The following PPP3CA variants were observed in gnomAD, a reference collection of about 807,000 sequenced individuals.
The protein encoded by PPP3CA is CAM-PRP catalytic subunit.
A neutral mutation model predicts 66.5 loss-of-function variants in PPP3CA; 14 were observed. The observed-to-expected ratio is 0.21, with a 90% CI of 0.14 to 0.33. The LOEUF (loss-of-function observed/expected upper bound fraction) is 0.33. Ranked by LOEUF, PPP3CA falls within the 10% of genes least tolerant of loss-of-function variation. The probability of loss-of-function intolerance (pLI) is 1.00; values close to 1 mark genes in which losing one functional copy is unlikely to be tolerated. For synonymous variants in PPP3CA, 232 were observed against 226.2 expected, an observed-to-expected ratio of 1.03 and a Z score of -0.23; for missense variants, 317 against 639.5, an observed-to-expected ratio of 0.50 and a Z score of 5.44.
chr4:101,051,314 A>G (rs962303833), intron 10 of PPP3CA, among the ~76,000 whole-genome samples: 5 of 152,120 alleles, frequency 3.3e-5, no homozygotes, highest in Non-Finnish European at 7.4e-5. Flanking sequence ...TACACCTGCC[A>G]TAAGAGATAA....
chr4:101,312,276 G>A (rs2110311949), intron 1 of PPP3CA, among the ~76,000 whole-genome samples: 1 of 152,120 alleles, frequency 6.6e-6, no homozygotes, highest in Non-Finnish European at 1.5e-5. Context: ...AAGTACAGAT[G>A]TTCCTCTACT....
intron 2 of PPP3CA, among the ~76,000 whole-genome samples, chr4:101,109,944 A>G (rs760017057): frequency 1.3e-5 from 2 of 152,204 alleles, no homozygotes; most frequent in Non-Finnish European, 1.5e-5. Flanking sequence ...ATGAAATAAT[A>G]TAGCTTAGAG....
intron 2 of PPP3CA, among the ~76,000 whole-genome samples, chr4:101,119,417 T>A (rs1409674408): frequency 1.3e-5 from 2 of 152,030 alleles, no homozygotes; most frequent in Non-Finnish European, 2.9e-5. Flanking sequence ...GTTCCACAGC[T>A]ATGTAATGGT....
intron 12 of PPP3CA, among the ~76,000 whole-genome samples, chr4:101,030,331 C>T (rs916439447): frequency 2.0e-5 from 3 of 152,020 alleles, no homozygotes; most frequent in African/African-American, 4.8e-5. Flanking sequence ...ACGGTGGATT[C>T]GAGATTCCTT....
rs749768853 is a variant in PPP3CA, at chr4:101,334,804, T to C, written c.58+11935A>G. Among the ~76,000 whole-genome samples, 21 of 152,084 alleles carry C rather than the reference T, an allele frequency of 1.4e-4. 1 individual carries two copies. Among genetic ancestry groups the C allele is most frequent in the Non-Finnish European group, 2.9e-5 (2 of 68,018 alleles). On this transcript the variant is annotated intron_variant, in intron 1 of 13. Transcript: ENST00000394854. Reference sequence around the variant, plus strand: ...CAGTCTCCCATGACAGGTCTCGGCCTTTCTTCCCCCCAGAGATATACATGA... The same window carrying C: ...CAGTCTCCCATGACAGGTCTCGGCCCTTCTTCCCCCCAGAGATATACATGA...
chr4:101,297,107 A>G (rs1425303285), intron 1 of PPP3CA, among the ~76,000 whole-genome samples: 2 of 152,232 alleles, frequency 1.3e-5, no homozygotes, highest in African/African-American at 2.4e-5. Context: ...ATGATAAAAC[A>G]GGAAATATTT....
chr4:101,132,336 A>G (rs1168512409), intron 2 of PPP3CA, among the ~76,000 whole-genome samples: 1 of 152,196 alleles, frequency 6.6e-6, no homozygotes, highest in African/African-American at 2.4e-5. Context: ...GAAAAGATTA[A>G]GAAAATAGAC....
At chr4:101,250,265 G>C (rs73833281) in intron 1 of PPP3CA, 10,939 of 440,394 alleles carry the variant, frequency 0.025, 998 homozygotes, top group African/African-American at 0.2. Context: ...AGAATGCCTA[G>C]GATTTACAGT....
chr4:101,032,571 G>C (rs1263381524), intron 11 of PPP3CA, among the ~76,000 whole-genome samples: 1 of 151,888 alleles, frequency 6.6e-6, no homozygotes, highest in African/African-American at 2.4e-5. Context: ...CTACCATAAA[G>C]TTTACATTAT....
chr4:101,149,306 A>G (rs1723061499), intron 2 of PPP3CA, among the ~76,000 whole-genome samples: 1 of 152,174 alleles, frequency 6.6e-6, no homozygotes, highest in African/African-American at 2.4e-5. Context: ...AATTCTCCTA[A>G]GTGTTAGAAA....
At chr4:101,273,135 T>C (rs542494053) in intron 1 of PPP3CA, among the ~76,000 whole-genome samples, 1 of 24,492 alleles carries the variant, frequency 4.1e-5, no homozygotes, top group East Asian at 6.3e-4. Flanking sequence ...GTAAGTAGGA[T>C]AGATATTGTT....
chr4:101,106,437 GAAAGAAAGAAAGAAAGAGAAA>G (rs1730707534), intron 3 of PPP3CA, among the ~76,000 whole-genome samples: 3 of 12,114 alleles, frequency 2.5e-4, no homozygotes, highest in Non-Finnish European at 5.2e-4. Flanking sequence ...AAGAAAGAAA[GAAAGAAAGAAAGAAAGAGAAA>G]AGAAAAGAAA....
rs1394871373 is a variant in PPP3CA, at chr4:101,285,591, CTGTG to C, written c.58+61144_58+61147del. Among the ~76,000 whole-genome samples, 5 of 131,752 alleles carry C rather than the reference CTGTG, an allele frequency of 3.8e-5. No homozygotes were observed. The Admixed American group carries it at 3.9e-4, about 10-fold the overall frequency. The allele number at this position is 131,752 out of a possible 152,430, so 86.4% of individuals were successfully genotyped here. On this transcript the variant is annotated intron_variant, in intron 1 of 13. Transcript: ENST00000394854. ...CCTTTCCCTTCCCTTTCAAATGCCA[CTGTG>C]TGTATGTGTGTGTGTGTGTGTGTGT...
At chr4:101,028,192 A>AAGTT (rs1726758199) in intron 13 of PPP3CA, among the ~76,000 whole-genome samples, 1 of 152,200 alleles carries the variant, frequency 6.6e-6, no homozygotes, top group South Asian at 2.1e-4. Context: ...AAAAACAAAA[A>AAGTT]AGTTACCTTG....
chr4:101,094,092 C>A (rs1730084978), intron 5 of PPP3CA, among the ~76,000 whole-genome samples, 177 bp from the exon 6 acceptor site: 1 of 151,764 alleles, frequency 6.6e-6, no homozygotes, highest in African/African-American at 2.4e-5. Context: ...TTTTCCTATC[C>A]TTCATCTCTC....
chr4:101,142,176 C>T (rs960312239), intron 2 of PPP3CA, among the ~76,000 whole-genome samples: 4 of 151,986 alleles, frequency 2.6e-5, no homozygotes, highest in Non-Finnish European at 4.4e-5. Flanking sequence ...ATACTAGAAA[C>T]GGTAGACTTT....
intron 3 of PPP3CA, among the ~76,000 whole-genome samples, chr4:101,105,822 C>T (rs1017974441): frequency 1.4e-4 from 22 of 152,182 alleles, no homozygotes; most frequent in Admixed American, 6.5e-4. Flanking sequence ...AAATTTCCAA[C>T]GCAGCACAAC....
intron 1 of PPP3CA, among the ~76,000 whole-genome samples, chr4:101,328,593 T>C (rs1178638209): frequency 2.0e-5 from 3 of 152,198 alleles, no homozygotes; most frequent in Admixed American, 1.3e-4. Context: ...CCTCACTTAT[T>C]GTGTTTTGCC....
intron 9 of PPP3CA, among the ~76,000 whole-genome samples, chr4:101,062,171 C>G (rs1223499386): frequency 6.6e-6 from 1 of 152,090 alleles, no homozygotes; most frequent in African/African-American, 2.4e-5. Flanking sequence ...AGCATCCACA[C>G]TGCTTCTGTT....
Sources: allele counts gnomAD v4.1 joint callset (sites outside exome capture counted in the v4.1 genomes callset), GRCh38; gene constraint gnomAD v4.1.1; transcripts MANE v1.5; gene names NCBI Gene and HGNC (gene_info 2026-07-23, HGNC 2026-07-21).